EGFLAM: variants seen among roughly 807,000 people sequenced by gnomAD.
EGFLAM encodes the protein EGF like, fibronectin type III and laminin G domains.
Under a neutral mutation model 113.1 loss-of-function variants are expected in EGFLAM, and 79 were observed. That is an observed-to-expected ratio of 0.70 (90% CI 0.58 to 0.84). EGFLAM has a LOEUF of 0.84. Ranked by LOEUF, EGFLAM falls within the 40% of genes least tolerant of loss-of-function variation. The probability of loss-of-function intolerance (pLI) is 0.00; values close to 1 mark genes in which losing one functional copy is unlikely to be tolerated. For missense variants in EGFLAM, 1,265 were observed against 1,291.6 expected (o/e 0.98, Z 0.32); for synonymous variants, 504 against 487.6 (o/e 1.03, Z -0.44).
At chr5:38,448,552 C>G (rs1742801111) in intron 18 of EGFLAM, 173 bp downstream of exon 18, 4 of 636,740 alleles carry the variant, frequency 6.3e-6, no homozygotes, top group South Asian at 6.2e-5. Flanking sequence ...GAAACTAGAG[C>G]AAAATAAAAC....
intron 1 of EGFLAM, among the ~76,000 whole-genome samples, chr5:38,329,909 C>G (rs1323300076): frequency 6.6e-6 from 1 of 152,086 alleles, no homozygotes; most frequent in Non-Finnish European, 1.5e-5. Flanking sequence ...GTATAGGGTG[C>G]TCAATATGTT....
intron 6 of EGFLAM, among the ~76,000 whole-genome samples, chr5:38,373,239 G>C (rs1412173491): frequency 1.3e-5 from 2 of 152,126 alleles, no homozygotes; most frequent in East Asian, 3.8e-4. Flanking sequence ...GTTTTTAAAA[G>C]GTAATGTATT....
At chr5:38,414,815 C>T (rs990464559) in intron 11 of EGFLAM, among the ~76,000 whole-genome samples, 3 of 152,120 alleles carry the variant, frequency 2.0e-5, no homozygotes, top group African/African-American at 7.2e-5. Flanking sequence ...ACTCCATGGA[C>T]CCCCCCTCAA....
intron 6 of EGFLAM, among the ~76,000 whole-genome samples, chr5:38,383,179 A>G (rs1453164996): frequency 6.6e-6 from 1 of 152,116 alleles, no homozygotes; most frequent in Non-Finnish European, 1.5e-5. Flanking sequence ...AACTAATTTT[A>G]GATTTTTTTC....
Position 38,272,499 on chromosome 5 carries a change from A to T in EGFLAM, c.97+13648A>T, listed in dbSNP as rs186066730. On this transcript the variant is annotated intron_variant, in intron 1 of 21. Coordinates refer to ENST00000322350, the MANE Select transcript of EGFLAM (RefSeq NM_152403.4). ...TGCCATAATGAGAACTAACTGTGAGATCATAAGTAAAACAGTACTCCAATT... is the reference window on the plus strand; with the variant it reads ...TGCCATAATGAGAACTAACTGTGAGTTCATAAGTAAAACAGTACTCCAATT... Among the ~76,000 whole-genome samples the T allele has an allele frequency of 1.3e-4, 20 of 152,344 alleles. No individual in the cohort carries two copies. The East Asian group carries it at 2.3e-3, about 18-fold the overall frequency.
intron 12 of EGFLAM, among the ~76,000 whole-genome samples, chr5:38,420,466 T>G (rs963474299): frequency 2.6e-5 from 4 of 152,214 alleles, no homozygotes; most frequent in African/African-American, 9.6e-5. Context: ...GCCTGGACTC[T>G]GAAGGCAGAT....
chr5:38,464,012 A>G lies in EGFLAM; in HGVS notation c.*26A>G, dbSNP rs1307275908. On this transcript the variant is annotated 3_prime_UTR_variant, in exon 22 of 22. Coordinates refer to ENST00000322350, the MANE Select transcript of EGFLAM (RefSeq NM_152403.4). Reference sequence around the variant, plus strand: ...CACCAGCTGGCCTTGTCCAAGGGACAGAGCCTTCTATTCTGAGAATCCCAG... The same window carrying G: ...CACCAGCTGGCCTTGTCCAAGGGACGGAGCCTTCTATTCTGAGAATCCCAG... The G allele has an allele frequency of 6.2e-7, 1 of 1,613,902 alleles. No individual in the cohort carries two copies. Among genetic ancestry groups the G allele is most frequent in the African/African-American group, 1.3e-5 (1 of 74,956 alleles).
chr5:38,443,129 G>A (rs1169456940), intron 17 of EGFLAM, among the ~76,000 whole-genome samples: 1 of 151,958 alleles, frequency 6.6e-6, no homozygotes, highest in African/African-American at 2.4e-5. Flanking sequence ...AGCCAGGTGT[G>A]GTGGTGCATG....
At chr5:38,357,358 G>A (rs1281302237) in intron 5 of EGFLAM, among the ~76,000 whole-genome samples, 1 of 152,094 alleles carries the variant, frequency 6.6e-6, no homozygotes, top group East Asian at 1.9e-4. Flanking sequence ...TGGACTTCCT[G>A]GCCTCCAGAA....
Position 38,431,211 on chromosome 5 carries a change from G to A in EGFLAM, c.2089G>A (p.Glu697Lys), listed in dbSNP as rs750559599. The A allele has an allele frequency of 1.9e-6, 3 of 1,614,102 alleles. No individual in the cohort carries two copies. Among genetic ancestry groups the A allele is most frequent in the African/African-American group, 1.3e-5 (1 of 75,016 alleles). ...EDPLTLGNWHELRVSRTAKNG... is the reference protein window; with the variant it reads ...EDPLTLGNWHKLRVSRTAKNG... The stretch of plus-strand genomic sequence containing the variant: ...TCCCCTCACCCTGGGCAACTGGCAC[G>A]AGCTTCGTGTATCTCGCACAGCAAA... The change falls in exon 15 of 22, where the codon GAG (glutamate) becomes AAG (lysine). Residue 697 changes from glutamate to lysine, a missense_variant. Coordinates refer to ENST00000322350, the MANE Select transcript of EGFLAM (RefSeq NM_152403.4).
intron 14 of EGFLAM, 150 bp from the exon 15 acceptor site, chr5:38,431,027 A>G: frequency 1.5e-6 from 1 of 686,322 alleles, no homozygotes; most frequent in Non-Finnish European, 2.5e-6. Flanking sequence ...GTGAGGGCAG[A>G]TCTTTACTAA....
At chr5:38,351,548 A>G (rs1164923534) in intron 4 of EGFLAM, among the ~76,000 whole-genome samples, 1 of 152,174 alleles carries the variant, frequency 6.6e-6, no homozygotes, top group Non-Finnish European at 1.5e-5. Context: ...TGCTAGGAAG[A>G]AAAGACAGGA....
intron 16 of EGFLAM, among the ~76,000 whole-genome samples, chr5:38,437,531 T>C (rs1011279006): frequency 2.0e-5 from 3 of 152,044 alleles, no homozygotes; most frequent in African/African-American, 4.8e-5. Flanking sequence ...CAGCCTGGGC[T>C]GCATCTTCTG....
intron 6 of EGFLAM, chr5:38,403,824 C>T (rs2112118485): frequency 5.0e-6 from 8 of 1,613,546 alleles, no homozygotes; most frequent in Non-Finnish European, 6.8e-6. Flanking sequence ...CCTCAAGGGC[C>T]TTTTGTGTGA....
intron 15 of EGFLAM, among the ~76,000 whole-genome samples, chr5:38,433,435 G>C (rs1742248313): frequency 6.6e-6 from 1 of 152,200 alleles, no homozygotes; most frequent in Admixed American, 6.5e-5. Flanking sequence ...ATAGGATCCA[G>C]ACACAAAACC....
chr5:38,462,811 T>C, intron 20 of EGFLAM, 97 bp from the exon 21 acceptor site: 1 of 1,335,466 alleles, frequency 7.5e-7, no homozygotes, highest in South Asian at 1.2e-5. Flanking sequence ...TGGCACATAG[T>C]GTGTCCTTTA....
At chr5:38,360,158 T>A (rs1253495516) in intron 5 of EGFLAM, among the ~76,000 whole-genome samples, 1 of 152,202 alleles carries the variant, frequency 6.6e-6, no homozygotes, top group African/African-American at 2.4e-5. Flanking sequence ...GAAGATCAAG[T>A]CTGGGATTCA....
chr5:38,328,531 T>C (rs1738947417), intron 1 of EGFLAM, among the ~76,000 whole-genome samples: 1 of 152,208 alleles, frequency 6.6e-6, no homozygotes, highest in Non-Finnish European at 1.5e-5. Flanking sequence ...TTCCACAATG[T>C]CTGAATACTC....
chr5:38,361,042 T>C (rs1434550565), intron 5 of EGFLAM, among the ~76,000 whole-genome samples: 1 of 151,258 alleles, frequency 6.6e-6, no homozygotes, highest in Non-Finnish European at 1.5e-5. Flanking sequence ...TTTTTTGTAT[T>C]TTTAGTAGAC....
Sources: allele counts gnomAD v4.1 joint callset (sites outside exome capture counted in the v4.1 genomes callset), GRCh38; gene constraint gnomAD v4.1.1; transcripts MANE v1.5; gene names NCBI Gene and HGNC (gene_info 2026-07-23, HGNC 2026-07-21).